Variants in GSE1 observed in about 807,000 individuals in gnomAD.
GSE1 encodes the protein genetic suppressor element 1.
A neutral mutation model predicts 112.6 loss-of-function variants in GSE1; 32 were observed. That is an observed-to-expected ratio of 0.28 (90% CI 0.21 to 0.38). GSE1 has a LOEUF of 0.38. Among genes scored for constraint, GSE1 ranks in the 10% least tolerant of loss-of-function variants. The pLI, the probability that GSE1 is intolerant of heterozygous loss-of-function variation, is 1.00. For synonymous variants in GSE1, 1,115 were observed against 735.6 expected (o/e 1.52, Z -8.35); for missense variants, 2,348 against 1,699.2 (o/e 1.38, Z -6.71).
intron 2 of GSE1, among the ~76,000 whole-genome samples, chr16:85,364,649 C>T (rs1016516936): frequency 3.9e-5 from 6 of 152,158 alleles, no homozygotes; most frequent in Non-Finnish European, 8.8e-5. Flanking sequence ...TGTCCCATCA[C>T]CAGCGGGCAC....
At chr16:85,255,412 CTTT>C (rs869059709) in intron 1 of GSE1, among the ~76,000 whole-genome samples, 15 of 141,074 alleles carry the variant, frequency 1.1e-4, no homozygotes, top group African/African-American at 3.1e-4. Flanking sequence ...TCAGTGCCTA[CTTT>C]TTTTTTTTTT....
rs573107752 is a variant in GSE1 at position 85,516,605 on chromosome 16, A to G, written c.2465-117309A>G. Reference sequence around the variant, plus strand: ...CTGTCTCAAAAAAAAAAAAAAAAAAAAGATTTAAGAAATTACCCGAGACTC... The same window carrying G: ...CTGTCTCAAAAAAAAAAAAAAAAAAGAGATTTAAGAAATTACCCGAGACTC... On this transcript the variant is annotated intron_variant, in intron 2 of 2. Transcript: ENST00000637419. Among the ~76,000 whole-genome samples, 76 of 151,206 alleles carry G rather than the reference A, an allele frequency of 5.0e-4. 1 individual carries two copies. In the South Asian group the frequency reaches 0.01, roughly 20 times the overall value.
chr16:85,172,178 C>T (rs1479074694), intron 1 of GSE1, among the ~76,000 whole-genome samples: 2 of 152,086 alleles, frequency 1.3e-5, no homozygotes, highest in East Asian at 1.9e-4. Flanking sequence ...GTAATTAGTC[C>T]AGCCGTGCGG....
chr16:85,376,051 A>G (rs58572647), intron 2 of GSE1, among the ~76,000 whole-genome samples: 6,912 of 152,010 alleles, frequency 0.045, 505 homozygotes, highest in African/African-American at 0.16. Flanking sequence ...CCCTTCTGCT[A>G]TGTGGATTTC....
chr16:85,615,037 G>T (rs1001863387), intron 1 of GSE1, among the ~76,000 whole-genome samples: 2 of 152,236 alleles, frequency 1.3e-5, no homozygotes, highest in African/African-American at 4.8e-5. Flanking sequence ...CCGTGCTCCC[G>T]CCTCCCGGCA....
At chr16:85,603,246 G>A (rs1053676497) in intron 1 of GSE1, among the ~76,000 whole-genome samples, 1 of 152,226 alleles carries the variant, frequency 6.6e-6, no homozygotes, top group African/African-American at 2.4e-5. Flanking sequence ...CTCAGAGCTT[G>A]GGTCCACAGA....
chr16:85,431,946 CTG>C (rs1167652775), intron 2 of GSE1, among the ~76,000 whole-genome samples: 1 of 152,216 alleles, frequency 6.6e-6, no homozygotes, highest in Non-Finnish European at 1.5e-5. Flanking sequence ...AGTGGCGGGG[CTG>C]TGGGAGGGGC....
intron 2 of GSE1, among the ~76,000 whole-genome samples, chr16:85,485,574 T>G (rs1334021439): frequency 1.3e-5 from 2 of 152,194 alleles, no homozygotes; most frequent in African/African-American, 4.8e-5. Flanking sequence ...CGCCGCCGCG[T>G]TAAGGACAGA....
At chr16:85,668,726 T>G (rs192137908) in intron 14 of GSE1, among the ~76,000 whole-genome samples, 25 of 152,304 alleles carry the variant, frequency 1.6e-4, no homozygotes, top group African/African-American at 5.5e-4. Context: ...GGCCTCAGCT[T>G]CGTGTAAGGG....
chr16:85,246,200 T>TAC (rs545313239), intron 1 of GSE1, among the ~76,000 whole-genome samples: 6,320 of 88,998 alleles, frequency 0.071, 306 homozygotes, highest in African/African-American at 0.092. Flanking sequence ...TCAGGGACCC[T>TAC]ACACACACAC....
chr16:85,618,192 CTG>C (rs1299388617), intron 1 of GSE1, among the ~76,000 whole-genome samples: 5 of 152,040 alleles, frequency 3.3e-5, no homozygotes, highest in African/African-American at 1.2e-4. Context: ...TTTGGGATCA[CTG>C]GACTGAGGTG....
intron 2 of GSE1, among the ~76,000 whole-genome samples, chr16:85,422,519 G>T (rs2048872291): frequency 6.6e-6 from 1 of 152,088 alleles, no homozygotes; most frequent in South Asian, 2.1e-4. Flanking sequence ...GCAGCGTGCG[G>T]GAGTCCCCTT....
intron 1 of GSE1, among the ~76,000 whole-genome samples, chr16:85,196,558 A>C (rs954164135): frequency 6.6e-6 from 1 of 151,496 alleles, no homozygotes; most frequent in Admixed American, 6.6e-5. Flanking sequence ...GCCCAGGGGG[A>C]GTTTGGAGAG....
chr16:85,634,791 C>A (rs551928232), intron 2 of GSE1, among the ~76,000 whole-genome samples: 1 of 152,190 alleles, frequency 6.6e-6, no homozygotes, highest in African/African-American at 2.4e-5. Flanking sequence ...AAGACGCCCC[C>A]TTTGGCTCTG....
chr16:85,521,120 T>C (rs1468336548), intron 2 of GSE1, among the ~76,000 whole-genome samples: 1 of 152,144 alleles, frequency 6.6e-6, no homozygotes, highest in Non-Finnish European at 1.5e-5. Context: ...GGGCTGCACC[T>C]CCGTCTTGAC....
intron 2 of GSE1, among the ~76,000 whole-genome samples, chr16:85,645,376 G>C (rs1174859531): frequency 1.3e-5 from 2 of 152,268 alleles, no homozygotes; most frequent in South Asian, 2.1e-4. Flanking sequence ...GATCTGGCTA[G>C]ACGGAGTGTC....
At chr16:85,624,511 A>G (rs954937775) in intron 1 of GSE1, among the ~76,000 whole-genome samples, 10 of 152,178 alleles carry the variant, frequency 6.6e-5, no homozygotes, top group African/African-American at 1.9e-4. Flanking sequence ...GCACCCAAAC[A>G]GCCGCCACAG....
chr16:85,519,978 C>T (rs2052125696), intron 2 of GSE1, among the ~76,000 whole-genome samples: 1 of 152,140 alleles, frequency 6.6e-6, no homozygotes, highest in Admixed American at 6.6e-5. Context: ...ACCCACGGTG[C>T]TTTGGGGCTT....
In GSE1 at chr16:85,665,026, C is replaced by G. The variant is rs2052724331; in HGVS notation, c.2656C>G (p.Leu886Val). 1.9e-6 allele frequency: 3 copies of G among 1,603,852 alleles called. No individual in the cohort carries two copies. Among genetic ancestry groups the G allele is most frequent in the Non-Finnish European group, 2.6e-6 (3 of 1,171,018 alleles). The stretch of plus-strand genomic sequence containing the variant: ...TGCTTTTCTCATAGACAAAGAGAGA[C>G]TTGTTGAAATGCTCCGTGCCATGAA... Reference protein sequence around the residue: ...SAEKRKDKERLVEMLRAMKQK... With the variant: ...SAEKRKDKERVVEMLRAMKQK... Residue 886 changes from leucine to valine, a missense_variant, in exon 12 of 16, where the codon CTT (leucine) becomes GTT (valine). Transcript: ENST00000253458.
Sources: allele counts gnomAD v4.1 joint callset (sites outside exome capture counted in the v4.1 genomes callset), GRCh38; gene constraint gnomAD v4.1.1; transcripts MANE v1.5; gene names NCBI Gene and HGNC (gene_info 2026-07-23, HGNC 2026-07-21).